AKAP13: variants seen among roughly 807,000 people sequenced by gnomAD.
AKAP13 encodes the protein A-kinase anchoring protein 13.
AKAP13 carries 80 observed loss-of-function variants against 264.5 expected under a neutral mutation model. That is an observed-to-expected ratio of 0.30 (90% CI 0.25 to 0.36). The LOEUF (loss-of-function observed/expected upper bound fraction) is 0.36. Ranked by LOEUF, AKAP13 falls within the 10% of genes least tolerant of loss-of-function variation. The pLI, the probability that AKAP13 is intolerant of heterozygous loss-of-function variation, is 1.00. For synonymous variants in AKAP13, 1,380 were observed against 1,250.2 expected, an observed-to-expected ratio of 1.10 and a Z score of -2.19; for missense variants, 3,712 against 3,435.2, an observed-to-expected ratio of 1.08 and a Z score of -2.01.
chr15:85,585,589 A>G (rs894307223), intron 7 of AKAP13, 113 bp from the exon 8 acceptor site: 24 of 1,447,536 alleles, frequency 1.7e-5, no homozygotes, highest in African/African-American at 1.1e-4. Flanking sequence ...ATACTTTTCC[A>G]TTTTAACGCA....
intron 19 of AKAP13, among the ~76,000 whole-genome samples, chr15:85,712,417 CT>C (rs2086679592): frequency 6.6e-6 from 1 of 152,096 alleles, no homozygotes; most frequent in Non-Finnish European, 1.5e-5. Context: ...TCCTAAAATG[CT>C]TTTTTTCTTG....
chr15:85,732,189 T>A (rs1412682823), intron 30 of AKAP13, among the ~76,000 whole-genome samples: 1 of 152,158 alleles, frequency 6.6e-6, no homozygotes, highest in African/African-American at 2.4e-5. Context: ...TGGCTTCTAG[T>A]CCTGTGGACG....
rs184326362 is a variant in AKAP13 at position 85,670,024 on chromosome 15, A to G, written c.5101+194A>G. Among the ~76,000 whole-genome samples, 7 of 152,332 alleles carry G rather than the reference A, an allele frequency of 4.6e-5. No homozygotes were observed. The East Asian group carries it at 9.6e-4, about 21-fold the overall frequency. Reference sequence around the variant, plus strand: ...GAGATCTTCTTCCTTTTACCTAAAAATATCCCTAATACATTAAGTTTATTG... The same window carrying G: ...GAGATCTTCTTCCTTTTACCTAAAAGTATCCCTAATACATTAAGTTTATTG... On this transcript the variant is annotated intron_variant, in intron 14 of 36. Transcript: ENST00000394518.
chr15:85,587,630 C>T (rs1025079574), intron 8 of AKAP13, among the ~76,000 whole-genome samples: 1 of 151,926 alleles, frequency 6.6e-6, no homozygotes, highest in Non-Finnish European at 1.5e-5. Flanking sequence ...TTGTTTAAAG[C>T]TATTAACTTT....
chr15:85,598,736 C>T (rs897276535), intron 8 of AKAP13, among the ~76,000 whole-genome samples: 1 of 152,124 alleles, frequency 6.6e-6, no homozygotes, highest in African/African-American at 2.4e-5. Context: ...ACACCTGGGT[C>T]GTGGGAACTC....
chr15:85,584,631 A>T (rs1288288089), intron 7 of AKAP13, among the ~76,000 whole-genome samples: 1 of 152,246 alleles, frequency 6.6e-6, no homozygotes, highest in African/African-American at 2.4e-5. Flanking sequence ...TTATATAATT[A>T]TAAGGTCAAA....
At chr15:85,662,393 G>A (rs774909894) in intron 12 of AKAP13, 5 of 1,613,968 alleles carry the variant, frequency 3.1e-6, no homozygotes, top group Middle Eastern at 1.6e-4. Flanking sequence ...CCCAGTATGA[G>A]CTGGTGCCCC....
At chr15:85,429,768 A>G (rs945754289) in intron 1 of AKAP13, among the ~76,000 whole-genome samples, 1 of 152,196 alleles carries the variant, frequency 6.6e-6, no homozygotes, top group Non-Finnish European at 1.5e-5. Context: ...TTAATTCAGT[A>G]GGTGTAGGGT....
Position 85,722,099 on chromosome 15 carries a change from T to C in AKAP13, c.6361T>C (p.Phe2121Leu). Residue 2121 changes from phenylalanine (F) to leucine (L), a missense_variant, in exon 24 of 37, where the codon TTT (phenylalanine) becomes CTT (leucine). Physicochemically the swap from Phe to Leu is conservative, Grantham distance 22. Around this residue, in one of 3 missense-constraint regions of AKAP13, gnomAD observed 342 missense variants for 484.3 expected, o/e 0.71. Coordinates refer to ENST00000394518, the MANE Select transcript of AKAP13 (RefSeq NM_007200.5). The part of the protein sequence containing the change: ...FKDLYAKDKR[F>L]QAFVKKKMSS... ...AGACCTTTATGCCAAGGATAAGCGT[T>C]TTCAAGCCTTTGTAAAGGTATTGAT... 1 of 1,614,076 alleles carries C rather than the reference T, an allele frequency of 6.2e-7. No individual in the cohort carries two copies. Among genetic ancestry groups the C allele is most frequent in the Non-Finnish European group, 8.5e-7 (1 of 1,179,966 alleles).
chr15:85,627,663 T>G (rs568599727), intron 8 of AKAP13: 1 of 152,338 alleles, frequency 6.6e-6, no homozygotes, highest in East Asian at 1.9e-4. Flanking sequence ...AGTTTACATT[T>G]CTGGATACTG....
chr15:85,591,499 A>T (rs1220008230), intron 8 of AKAP13, among the ~76,000 whole-genome samples: 1 of 152,192 alleles, frequency 6.6e-6, no homozygotes, highest in Non-Finnish European at 1.5e-5. Context: ...CACTAAGATG[A>T]TGTTTCTCCA....
At chr15:85,634,248 T>C (rs1176123870) in intron 8 of AKAP13, among the ~76,000 whole-genome samples, 2 of 152,370 alleles carry the variant, frequency 1.3e-5, no homozygotes, top group South Asian at 2.1e-4. Context: ...AAAATGTCTC[T>C]AGCTTTCTGC....
chr15:85,575,953 T>C (rs1012413612), intron 6 of AKAP13, among the ~76,000 whole-genome samples: 2 of 152,206 alleles, frequency 1.3e-5, no homozygotes, highest in Admixed American at 1.3e-4. Context: ...ACCACTGCAC[T>C]CCTGCCGGGG....
chr15:85,566,440 T>A (rs1371669060), intron 5 of AKAP13, among the ~76,000 whole-genome samples: 1 of 152,148 alleles, frequency 6.6e-6, no homozygotes, highest in Non-Finnish European at 1.5e-5. Flanking sequence ...CAGTAATTAA[T>A]ATTGAGACAT....
At chr15:85,500,573 G>A (rs1182026137) in intron 2 of AKAP13, among the ~76,000 whole-genome samples, 2 of 152,130 alleles carry the variant, frequency 1.3e-5, no homozygotes, top group Non-Finnish European at 2.9e-5. Context: ...ATATCAGCAC[G>A]GAGGTAGAAA....
chr15:85,645,767 G>GTTTTT, intron 9 of AKAP13, 51 bp from the exon 10 acceptor site: 8 of 1,427,172 alleles, frequency 5.6e-6, no homozygotes, highest in Non-Finnish European at 5.5e-6. Context: ...TTGTTTTTTG[G>GTTTTT]TTTTTTTGTT....
At chr15:85,657,710 C>CTT (rs11332236) in intron 11 of AKAP13, among the ~76,000 whole-genome samples, 21,592 of 127,366 alleles carry the variant, frequency 0.17, 2,065 homozygotes, top group Non-Finnish European at 0.24. Flanking sequence ...GTGGTGTACT[C>CTT]TTTTTTTTTT....
At chr15:85,640,670 C>T (rs2082267337) in intron 9 of AKAP13, among the ~76,000 whole-genome samples, 1 of 152,146 alleles carries the variant, frequency 6.6e-6, no homozygotes. Flanking sequence ...CTAGAACCTT[C>T]TACTTAAACG....
chr15:85,390,355 A>G (rs72752590), intron 1 of AKAP13, among the ~76,000 whole-genome samples: 1,524 of 152,302 alleles, frequency 0.01, 14 homozygotes, highest in Middle Eastern at 0.017. Context: ...AGACCTGAAG[A>G]AAGTCAAGGG....
Sources: allele counts gnomAD v4.1 joint callset (sites outside exome capture counted in the v4.1 genomes callset), GRCh38; gene constraint gnomAD v4.1.1; regional missense constraint gnomAD v4.1.1; transcripts MANE v1.5; gene names NCBI Gene and HGNC (gene_info 2026-07-23, HGNC 2026-07-21).